The following UBP1 variants were observed in gnomAD, a reference collection of about 807,000 sequenced individuals.
UBP1 encodes upstream-binding protein 1.
In UBP1, 22 loss-of-function variants were observed where a neutral mutation model predicts 76.1. The observed-to-expected ratio is 0.29, with a 90% confidence interval of 0.21 to 0.41. The LOEUF (loss-of-function observed/expected upper bound fraction) is 0.41. Ranked by LOEUF, UBP1 falls within the 10% of genes least tolerant of loss-of-function variation. The pLI is 1.00. For synonymous variants in UBP1, 224 were observed against 237.1 expected (o/e 0.94, Z 0.51); for missense variants, 436 against 668.1 (o/e 0.65, Z 3.83).
intron 1 of UBP1, among the ~76,000 whole-genome samples, chr3:33,432,475 C>T (rs1446752752): frequency 6.6e-6 from 1 of 152,206 alleles, no homozygotes; most frequent in African/African-American, 2.4e-5. Context: ...ACATATACAG[C>T]ATCCTATTTA....
At chr3:33,413,166 C>A (rs954091743) in intron 3 of UBP1, among the ~76,000 whole-genome samples, 2 of 152,108 alleles carry the variant, frequency 1.3e-5, no homozygotes, top group Non-Finnish European at 2.9e-5. Context: ...ACCAGATGCA[C>A]ACAGGAGTTA....
chr3:33,426,636 A>G (rs2045023022), intron 1 of UBP1, among the ~76,000 whole-genome samples: 1 of 152,122 alleles, frequency 6.6e-6, no homozygotes, highest in South Asian at 2.1e-4. Context: ...TTTGTTTTCT[A>G]TCTCTACGGA....
chr3:33,431,363 A>G (rs917383504), intron 1 of UBP1, among the ~76,000 whole-genome samples: 22 of 152,216 alleles, frequency 1.4e-4, no homozygotes, highest in African/African-American at 2.4e-5. Context: ...CATGGATTCA[A>G]GAAGCCCAAA....
intron 1 of UBP1, among the ~76,000 whole-genome samples, chr3:33,429,213 A>T (rs2045072503): frequency 6.6e-6 from 1 of 152,262 alleles, no homozygotes. Context: ...ATTGAAAACT[A>T]GGTCTCCAGA....
At chr3:33,392,710 C>G in intron 14 of UBP1, 96 bp from the exon 15 acceptor site, 1 of 1,218,370 alleles carries the variant, frequency 8.2e-7, no homozygotes, top group Non-Finnish European at 1.2e-6. Context: ...CAAACAAACA[C>G]AGGACTCAAT....
At chr3:33,409,679 C>G (rs1041516316) in intron 5 of UBP1, 78 bp from the exon 6 acceptor site, 1 of 1,539,496 alleles carries the variant, frequency 6.5e-7, no homozygotes, top group East Asian at 2.3e-5. Context: ...TCTTGAGTGA[C>G]CTGACACCAC....
chr3:33,415,763 AAC>A (rs2044712195), intron 3 of UBP1, among the ~76,000 whole-genome samples: 2 of 151,994 alleles, frequency 1.3e-5, no homozygotes, highest in Non-Finnish European at 2.9e-5. Flanking sequence ...CAAAAAAAAA[AAC>A]ACAGAACAAA....
chr3:33,395,000 G>C (rs759076007), intron 13 of UBP1, among the ~76,000 whole-genome samples: 1 of 151,686 alleles, frequency 6.6e-6, no homozygotes, highest in Non-Finnish European at 1.5e-5. Context: ...GCTGATTATG[G>C]GAAAATATCC....
At chr3:33,405,285 A>G (rs2044387456) in intron 8 of UBP1, among the ~76,000 whole-genome samples, 1 of 152,218 alleles carries the variant, frequency 6.6e-6, no homozygotes, top group African/African-American at 2.4e-5. Flanking sequence ...AAGGAAGAAC[A>G]GAGTAAAATC....
Position 33,399,499 on chromosome 3 carries a change from A to G in UBP1, c.1180+690T>C, listed in dbSNP as rs1287362361. Reference sequence around the variant, plus strand: ...AGCAGTAAAAAGGATTAAACTACTGATAAACACAACAACTTAGGTGGCCGT... The same window carrying G: ...AGCAGTAAAAAGGATTAAACTACTGGTAAACACAACAACTTAGGTGGCCGT... On this transcript the variant is annotated intron_variant, in intron 11 of 15. Transcript: ENST00000283629. Among the ~76,000 whole-genome samples the G allele has an allele frequency of 2.6e-5, 4 of 152,236 alleles. No homozygotes were observed. In the East Asian group the frequency reaches 7.7e-4, roughly 29 times the overall value.
chr3:33,422,899 T>C (rs2044936072), intron 2 of UBP1, among the ~76,000 whole-genome samples: 2 of 152,258 alleles, frequency 1.3e-5, no homozygotes, highest in African/African-American at 4.8e-5. Flanking sequence ...TTTGTCAAGA[T>C]GATAAATGCT....
rs1312861759 is a variant in UBP1, at chr3:33,439,929, G to A, written c.-81C>T. ...GCCGGAGCTCCGCTGGCGCGTCCTGGGGGAGGGCGCGGGTGAAGCCTCCGG... is the reference window on the plus strand; with the variant it reads ...GCCGGAGCTCCGCTGGCGCGTCCTGAGGGAGGGCGCGGGTGAAGCCTCCGG... On this transcript the variant is annotated 5_prime_UTR_variant, in exon 1 of 16. Coordinates refer to ENST00000283629, the MANE Select transcript of UBP1 (RefSeq NM_014517.5). 4 of 1,511,348 alleles carry A rather than the reference G, an allele frequency of 2.6e-6. No homozygotes were observed. The highest frequency in any genetic ancestry group is 1.9e-5 in the Admixed American group (1 of 53,842). 93.6% of individuals were successfully genotyped at this position (1,511,348 alleles called of 1,614,324 possible). A position where few individuals can be genotyped will look rare whatever the true frequency, so the allele number is the denominator to read the frequency against.
intron 2 of UBP1, among the ~76,000 whole-genome samples, chr3:33,420,987 A>C (rs547492835): frequency 9.9e-4 from 151 of 152,312 alleles, no homozygotes; most frequent in Middle Eastern, 3.4e-3. Context: ...TAACAAGGAG[A>C]AATTCTTTTC....
intron 1 of UBP1, among the ~76,000 whole-genome samples, chr3:33,428,469 CTTTT>C (rs200930631): frequency 8.1e-6 from 1 of 123,160 alleles, no homozygotes; most frequent in Non-Finnish European, 1.6e-5. Context: ...ATGAGAATGG[CTTTT>C]TTTAATAAAT....
chr3:33,427,595 T>C (rs570552212), intron 1 of UBP1, among the ~76,000 whole-genome samples: 1 of 152,314 alleles, frequency 6.6e-6, no homozygotes, highest in Admixed American at 6.5e-5. Context: ...AAACAGAATG[T>C]GAAAACAAGT....
rs1167997746 is a variant in UBP1, at chr3:33,389,649, CAA to C, written c.*680_*681del. On this transcript the variant is annotated 3_prime_UTR_variant, in exon 16 of 16. Transcript: ENST00000283629. ...ATAAATCTGTGACAAAGCCAAAACA[CAA>C]AAGTCTTTGTACCTATTAGGATTTA... is the stretch of plus-strand genomic sequence containing the variant. The C allele has an allele frequency of 6.6e-6, 1 of 152,344 alleles. No individual in the cohort carries two copies. 9.4% of individuals were successfully genotyped at this position (152,344 alleles called of 1,614,324 possible).
intron 13 of UBP1, among the ~76,000 whole-genome samples, chr3:33,394,837 T>TTTTA (rs1553670571): frequency 6.7e-6 from 1 of 150,182 alleles, no homozygotes; most frequent in Non-Finnish European, 1.5e-5. Context: ...TTTTTTTTTT[T>TTTTA]AAATAAAGTT....
At chr3:33,438,404 G>A (rs1000878536) in intron 1 of UBP1, among the ~76,000 whole-genome samples, 5 of 152,174 alleles carry the variant, frequency 3.3e-5, no homozygotes, top group African/African-American at 1.2e-4. Flanking sequence ...GGAGCAGAAT[G>A]GCACTAGAGG....
intron 1 of UBP1, among the ~76,000 whole-genome samples, chr3:33,437,910 T>C (rs1372308906): frequency 1.3e-5 from 2 of 152,156 alleles, no homozygotes; most frequent in Non-Finnish European, 2.9e-5. Flanking sequence ...CACTCTCATC[T>C]CTTAGTTTTT....
Sources: allele counts gnomAD v4.1 joint callset (sites outside exome capture counted in the v4.1 genomes callset), GRCh38; gene constraint gnomAD v4.1.1; transcripts MANE v1.5; gene names NCBI Gene and HGNC (gene_info 2026-07-23, HGNC 2026-07-21).